Variants in RSF1 observed in about 807,000 individuals in gnomAD.
RSF1 encodes the protein HBV pX-associated protein 8.
RSF1 carries 13 observed loss-of-function variants against 145.2 expected under a neutral mutation model. The observed-to-expected ratio is 0.09, with a 90% confidence interval of 0.06 to 0.14. The LOEUF is 0.14. Among genes scored for constraint, RSF1 ranks in the 10% least tolerant of loss-of-function variants. The pLI is 1.00. For synonymous variants in RSF1, 577 were observed against 592.6 expected (o/e 0.97, Z 0.38); for missense variants, 1,517 against 1,718.2 (o/e 0.88, Z 2.07).
chr11:77,855,720 CTT>C, the RSF1 span, among the ~76,000 whole-genome samples: 19 of 127,962 alleles, frequency 1.5e-4, no homozygotes, highest in Admixed American at 4.2e-4. Context: ...AGTTTTATGT[CTT>C]TTTTTTTTTT....
At chr11:77,671,598 A>G (rs941712930) in intron 15 of RSF1, among the ~76,000 whole-genome samples, 1 of 150,974 alleles carries the variant, frequency 6.6e-6, no homozygotes, top group Non-Finnish European at 1.5e-5. Context: ...GCACAAGATT[A>G]TAGGTTTTAT....
the RSF1 span, among the ~76,000 whole-genome samples, chr11:77,844,123 T>C: frequency 3.3e-5 from 5 of 152,256 alleles, no homozygotes; most frequent in African/African-American, 9.6e-5. Context: ...CTCTTCTAGT[T>C]TGCAGACAGC....
At chr11:77,765,461 T>C (rs1948216200) in intron 1 of RSF1, among the ~76,000 whole-genome samples, 1 of 152,244 alleles carries the variant, frequency 6.6e-6, no homozygotes, top group African/African-American at 2.4e-5. Context: ...TTCTGTTTTC[T>C]GGATAGTTCT....
In RSF1 at chr11:77,740,999, T is replaced by A. The variant is rs187954195; in HGVS notation, c.373-63A>T. On this transcript the variant is annotated intron_variant, in intron 3 of 15. Transcript: ENST00000308488. The stretch of plus-strand genomic sequence containing the variant: ...AAATATTTCTCCATCACAGTAAATA[T>A]GATACAACCGTAGAATTGATTCAGG... 9 of 1,205,016 alleles carry A rather than the reference T, an allele frequency of 7.5e-6. No individual in the cohort carries two copies. In the African/African-American group the frequency reaches 1.3e-4, roughly 18 times the overall value. 74.6% of individuals were successfully genotyped at this position (1,205,016 alleles called of 1,614,324 possible).
At position 77,661,232 on chromosome 11, in the gene RSF1, C is replaced by T. The variant is rs924174276; in HGVS notation, c.*5685G>A. The T allele has an allele frequency of 6.6e-6, 1 of 152,148 alleles. No homozygotes were observed. Among genetic ancestry groups the T allele is most frequent in the African/African-American group, 2.4e-5 (1 of 41,442 alleles). 9.4% of individuals were successfully genotyped at this position (152,148 alleles called of 1,614,324 possible). A position where few individuals can be genotyped will look rare whatever the true frequency, so the allele number is the denominator to read the frequency against. ...GACATACCCTTTCAAAGTGTACACA[C>T]AACCTCATGGCAGGTTTGGGCAAGC... On this transcript the variant is annotated 3_prime_UTR_variant, in exon 16 of 16. Transcript: ENST00000308488.
At chr11:77,842,588 G>A in the RSF1 span, 2 of 1,613,988 alleles carry the variant, frequency 1.2e-6, no homozygotes, top group South Asian at 2.2e-5. Flanking sequence ...GTATGGCCAG[G>A]GGGTAGTCGG....
At chr11:77,750,253 G>A (rs1590866324) in intron 2 of RSF1, among the ~76,000 whole-genome samples, 1 of 152,068 alleles carries the variant, frequency 6.6e-6, no homozygotes, top group Non-Finnish European at 1.5e-5. Flanking sequence ...TCTACACCCG[G>A]GGTAAGCAAG....
chr11:77,734,388 A>T, intron 4 of RSF1: 2 of 895,560 alleles, frequency 2.2e-6, no homozygotes, highest in Non-Finnish European at 3.6e-6. Context: ...TACAACTTAT[A>T]GAAAAGGTAA....
At chr11:77,700,305 A>G (rs1482545303) in intron 6 of RSF1, among the ~76,000 whole-genome samples, 1 of 130,898 alleles carries the variant, frequency 7.6e-6, no homozygotes, top group Non-Finnish European at 1.6e-5. Flanking sequence ...GAGCCGAGAT[A>G]GTGCCATTGC....
At chr11:77,704,280 C>T (rs1469747388) in intron 5 of RSF1, among the ~76,000 whole-genome samples, 1 of 152,146 alleles carries the variant, frequency 6.6e-6, no homozygotes, top group Non-Finnish European at 1.5e-5. Context: ...TGGATACATT[C>T]CAGCCTGGGT....
intron 3 of RSF1, among the ~76,000 whole-genome samples, chr11:77,741,523 CA>C (rs1281199842): frequency 2.0e-5 from 3 of 149,576 alleles, no homozygotes; most frequent in African/African-American, 2.5e-5. Flanking sequence ...GACCCTGTCT[CA>C]AAAAAAAATT....
intron 1 of RSF1, among the ~76,000 whole-genome samples, chr11:77,796,685 AG>A (rs1284531350): frequency 1.3e-5 from 2 of 152,242 alleles, no homozygotes; most frequent in Admixed American, 1.3e-4. Context: ...AAAGAAAGAA[AG>A]GGTATTCAGA....
At chr11:77,864,666 G>A in the RSF1 span, among the ~76,000 whole-genome samples, 342 of 152,172 alleles carry the variant, frequency 2.2e-3, no homozygotes, top group African/African-American at 7.4e-3. Flanking sequence ...TACAATCCAG[G>A]GCATATGTTC....
intron 1 of RSF1, among the ~76,000 whole-genome samples, chr11:77,775,320 G>T (rs945170717): frequency 2.0e-5 from 3 of 151,720 alleles, no homozygotes; most frequent in African/African-American, 7.3e-5. Context: ...TTATCTGAAT[G>T]AATATATTAA....
Position 77,747,258 on chromosome 11 carries a change from A to G in RSF1, c.280-130T>C. On this transcript the variant is annotated intron_variant, in intron 2 of 15. Transcript: ENST00000308488. ...GAGGTTACACTAAACAGTCCAATCC[A>G]ACTGCACCCTAAAATGCATACTACT... 7.2e-6 allele frequency: 4 copies of G among 553,520 alleles called. No homozygotes were observed. In the South Asian group the frequency reaches 9.7e-5, roughly 13 times the overall value. 34.3% of individuals were successfully genotyped at this position (553,520 alleles called of 1,614,324 possible).
chr11:77,750,982 T>C (rs1171037497), intron 2 of RSF1, among the ~76,000 whole-genome samples: 3 of 152,078 alleles, frequency 2.0e-5, no homozygotes, highest in African/African-American at 4.8e-5. Flanking sequence ...AGTCAAATAT[T>C]TGGCCAGGGA....
the RSF1 span, among the ~76,000 whole-genome samples, chr11:77,867,187 G>A: frequency 8.5e-5 from 13 of 152,156 alleles, no homozygotes; most frequent in East Asian, 1.7e-3. Flanking sequence ...TCTCCATAAC[G>A]TCTCATCTTC....
chr11:77,800,510 A>G (rs1948616048), intron 1 of RSF1, among the ~76,000 whole-genome samples: 1 of 152,102 alleles, frequency 6.6e-6, no homozygotes, highest in Non-Finnish European at 1.5e-5. Flanking sequence ...AGAAAAGAAA[A>G]AAGTATTTTC....
At chr11:77,795,639 G>C (rs1345110553) in intron 1 of RSF1, among the ~76,000 whole-genome samples, 1 of 152,116 alleles carries the variant, frequency 6.6e-6, no homozygotes, top group Non-Finnish European at 1.5e-5. Flanking sequence ...TCAAATAAGT[G>C]GTGCTGAAAT....
Sources: allele counts gnomAD v4.1 joint callset (sites outside exome capture counted in the v4.1 genomes callset), GRCh38; gene constraint gnomAD v4.1.1; transcripts MANE v1.5; gene names NCBI Gene and HGNC (gene_info 2026-07-23, HGNC 2026-07-21).